Variants in NBAS observed in about 807,000 individuals in gnomAD.
NBAS encodes NAG/BC035112 fusion.
NBAS carries 219 observed loss-of-function variants against 302.5 expected under a neutral mutation model. The ratio of observed to expected loss-of-function variants is 0.72; its 90% confidence interval spans 0.65 to 0.81. The LOEUF is 0.81. NBAS is among the 30% of genes least tolerant of loss of function. The pLI is 0.00. For missense variants in NBAS, 2,932 were observed against 2,841.6 expected, an observed-to-expected ratio of 1.03 and a Z score of -0.72; for synonymous variants, 1,118 against 1,021.6, an observed-to-expected ratio of 1.09 and a Z score of -1.80.
chr2:15,098,950 C>T, the NBAS span, among the ~76,000 whole-genome samples: 1 of 151,268 alleles, frequency 6.6e-6, no homozygotes, highest in Non-Finnish European at 1.5e-5. Context: ...ATGTTGGTGT[C>T]CCCCTCACAC....
chr2:15,028,024 G>A, the NBAS span, among the ~76,000 whole-genome samples: 6 of 152,102 alleles, frequency 3.9e-5, no homozygotes, highest in African/African-American at 1.4e-4. Context: ...ACATCGCTGG[G>A]ACTTATTGAC....
At chr2:15,547,553 G>C (rs1467134596) in intron 6 of NBAS, among the ~76,000 whole-genome samples, 1 of 152,174 alleles carries the variant, frequency 6.6e-6, no homozygotes, top group African/African-American at 2.4e-5. Context: ...AAATACAGAA[G>C]GGTAAAGCTT....
chr2:14,812,210 A>C, the NBAS span, among the ~76,000 whole-genome samples: 3 of 152,184 alleles, frequency 2.0e-5, no homozygotes, highest in Admixed American at 2.0e-4. Flanking sequence ...TTCTCAAAAA[A>C]TGGTGGCCAG....
At chr2:15,452,639 T>G (rs1418286005) in intron 21 of NBAS, among the ~76,000 whole-genome samples, 1 of 151,346 alleles carries the variant, frequency 6.6e-6, no homozygotes, top group East Asian at 1.9e-4. Context: ...ATGGTCCCTA[T>G]GCTCAACTGA....
chr2:15,394,391 CAA>C lies in NBAS; in HGVS notation c.3135-44_3135-43del, dbSNP rs746951793. 4.7e-5 allele frequency: 76 copies of C among 1,603,316 alleles called. No homozygotes were observed. In the Admixed American group the frequency reaches 1.2e-3, roughly 25 times the overall value. On this transcript the variant is annotated intron_variant, in intron 27 of 51. Coordinates refer to ENST00000281513, the MANE Select transcript of NBAS (RefSeq NM_015909.4). ...AATTATTTAATGTCTTGCTACCAAACAAAAAGAGTCTAAGAATCTTAGGCATA... is the reference window on the plus strand; with the variant it reads ...AATTATTTAATGTCTTGCTACCAAACAAAGAGTCTAAGAATCTTAGGCATA...
intron 19 of NBAS, among the ~76,000 whole-genome samples, chr2:15,465,543 C>A (rs1173943052): frequency 6.6e-6 from 1 of 152,140 alleles, no homozygotes; most frequent in Non-Finnish European, 1.5e-5. Context: ...TCGTTTTTAT[C>A]TCATTTATCA....
chr2:15,205,155 T>C (rs1273455483), intron 48 of NBAS, among the ~76,000 whole-genome samples: 1 of 152,174 alleles, frequency 6.6e-6, no homozygotes, highest in Non-Finnish European at 1.5e-5. Context: ...TGTTTCTTTG[T>C]TTATGCAAAC....
Position 15,166,976 on chromosome 2 carries a change from A to G in NBAS, c.*72T>C. The G allele has an allele frequency of 1.3e-6, 2 of 1,482,086 alleles. No individual in the cohort carries two copies. The highest frequency in any genetic ancestry group is 1.8e-6 in the Non-Finnish European group (2 of 1,109,062). 91.8% of individuals were successfully genotyped at this position (1,482,086 alleles called of 1,614,324 possible). A position where few individuals can be genotyped will look rare whatever the true frequency, so the allele number is the denominator to read the frequency against. ...ACCATGGAGAACAATCGGCAGATAC[A>G]CATGTTGCTTCTGGGAACAGCATTC... On this transcript the variant is annotated 3_prime_UTR_variant, in exon 52 of 52. Transcript: ENST00000281513.
chr2:15,472,502 T>G (rs11688071), intron 16 of NBAS, among the ~76,000 whole-genome samples: 76,965 of 151,998 alleles, frequency 0.51, 22,990 homozygotes, highest in Non-Finnish European at 0.67. Context: ...CTACCAGCCT[T>G]GAGCCACATG....
chr2:15,015,650 A>G, the NBAS span, among the ~76,000 whole-genome samples: 2 of 152,190 alleles, frequency 1.3e-5, no homozygotes, highest in Admixed American at 6.5e-5. Flanking sequence ...AACACAATAA[A>G]GGCCATACAT....
At chr2:14,978,320 A>G in the NBAS span, among the ~76,000 whole-genome samples, 1 of 152,172 alleles carries the variant, frequency 6.6e-6, no homozygotes, top group Non-Finnish European at 1.5e-5. Context: ...GTTGATGTGT[A>G]TCTTTCCCCA....
At chr2:14,782,439 A>G in the NBAS span, among the ~76,000 whole-genome samples, 9 of 152,232 alleles carry the variant, frequency 5.9e-5, no homozygotes, top group African/African-American at 2.2e-4. Context: ...AGTGGCTATT[A>G]TGATAAAGTC....
chr2:15,343,677 C>G lies in NBAS; in HGVS notation c.4179+8315G>C, dbSNP rs112099058. ...CAGATGGATATACCTCAAGTCTATA[C>G]TTATTTCAAAAAAGGGACAACTTAT... On this transcript the variant is annotated intron_variant, in intron 35 of 51. Transcript: ENST00000281513. Among the ~76,000 whole-genome samples the G allele has an allele frequency of 7.1e-3, 1,083 of 151,764 alleles. 10 individuals carry two copies. The highest frequency in any genetic ancestry group is 0.022 in the African/African-American group (921 of 41,472).
chr2:14,966,620 G>T, the NBAS span, among the ~76,000 whole-genome samples: 1 of 152,176 alleles, frequency 6.6e-6, no homozygotes, highest in East Asian at 1.9e-4. Context: ...ACTCAAAGGT[G>T]AACTGCACTA....
chr2:15,368,480 G>A (rs1674330224), intron 31 of NBAS, among the ~76,000 whole-genome samples: 1 of 152,100 alleles, frequency 6.6e-6, no homozygotes, highest in South Asian at 2.1e-4. Flanking sequence ...TTACAGGCGT[G>A]AGCCAATGCA....
chr2:15,169,343 G>A (rs901758081), intron 51 of NBAS, among the ~76,000 whole-genome samples: 2 of 152,212 alleles, frequency 1.3e-5, no homozygotes, highest in African/African-American at 4.8e-5. Context: ...CTTTTGTGCT[G>A]GAAGGGGCAC....
the NBAS span, among the ~76,000 whole-genome samples, chr2:15,104,429 G>A: frequency 6.6e-6 from 1 of 151,970 alleles, no homozygotes; most frequent in Non-Finnish European, 1.5e-5. Context: ...TCTAGGCTCT[G>A]GAGATACAGA....
intron 21 of NBAS, among the ~76,000 whole-genome samples, chr2:15,447,819 A>T (rs1036222693): frequency 6.6e-6 from 1 of 152,194 alleles, no homozygotes; most frequent in Admixed American, 6.5e-5. Flanking sequence ...CTAGAACAAA[A>T]TACCTGAGAC....
intron 48 of NBAS, among the ~76,000 whole-genome samples, chr2:15,212,038 C>CT (rs1343782307): frequency 6.6e-6 from 1 of 152,216 alleles, no homozygotes; most frequent in African/African-American, 2.4e-5. Context: ...CCACTTCCTC[C>CT]TTGTAACTTA....
Sources: gnomAD v4.1 joint callset for allele counts (sites outside exome capture counted in the v4.1 genomes callset) on GRCh38, gnomAD v4.1.1 for gene constraint, MANE v1.5 for transcripts, NCBI Gene and HGNC (gene_info 2026-07-23, HGNC 2026-07-21) for gene names.